The following MYRIP variants were observed in gnomAD, a reference collection of about 807,000 sequenced individuals.
MYRIP encodes myosin VIIA and Rab interacting protein.
A neutral mutation model predicts 98.0 loss-of-function variants in MYRIP; 49 were observed. That is an observed-to-expected ratio of 0.50 (90% CI 0.40 to 0.63). The LOEUF is 0.63. Ranked by LOEUF, MYRIP falls within the 30% of genes least tolerant of loss-of-function variation. The probability of loss-of-function intolerance (pLI) is 0.00; values close to 1 mark genes in which losing one functional copy is unlikely to be tolerated. For missense variants in MYRIP, 1,004 were observed against 1,058.2 expected (o/e 0.95, Z 0.71); for synonymous variants, 404 against 409.5 (o/e 0.99, Z 0.16).
chr3:39,937,990 A>C (rs1944696226), intron 2 of MYRIP, among the ~76,000 whole-genome samples: 1 of 152,338 alleles, frequency 6.6e-6, no homozygotes, highest in South Asian at 2.1e-4. Context: ...AGTCCAGAGA[A>C]GCAGCTTTCA....
At chr3:40,002,542 A>C (rs1157292688) in intron 2 of MYRIP, among the ~76,000 whole-genome samples, 1 of 152,112 alleles carries the variant, frequency 6.6e-6, no homozygotes, top group Non-Finnish European at 1.5e-5. Context: ...TCTAAAAAAA[A>C]AAAAAGAAAA....
intron 2 of MYRIP, among the ~76,000 whole-genome samples, chr3:39,922,919 A>G (rs567129369): frequency 5.3e-5 from 8 of 152,304 alleles, no homozygotes; most frequent in South Asian, 2.1e-4. Flanking sequence ...TAAAGCAGCC[A>G]TGATTAAAAA....
At chr3:40,031,349 A>T (rs982269789) in intron 2 of MYRIP, among the ~76,000 whole-genome samples, 5 of 152,164 alleles carry the variant, frequency 3.3e-5, no homozygotes, top group African/African-American at 7.2e-5. Context: ...TTTCACAATC[A>T]TTCAGACCAC....
intron 3 of MYRIP, among the ~76,000 whole-genome samples, chr3:40,118,472 A>C (rs571932524): frequency 6.6e-6 from 1 of 152,318 alleles, no homozygotes; most frequent in South Asian, 2.1e-4. Flanking sequence ...GCACAGGTTA[A>C]ATTAATTATG....
At chr3:40,211,665 G>A (rs994834536) in intron 11 of MYRIP, among the ~76,000 whole-genome samples, 1 of 152,178 alleles carries the variant, frequency 6.6e-6, no homozygotes, top group African/African-American at 2.4e-5. Context: ...GGTAACTGGA[G>A]AATATCACAT....
At chr3:39,810,977 G>C (rs1940667098) in intron 1 of MYRIP, among the ~76,000 whole-genome samples, 1 of 152,124 alleles carries the variant, frequency 6.6e-6, no homozygotes, top group Non-Finnish European at 1.5e-5. Flanking sequence ...TGATTTTCTT[G>C]ACACTTACTC....
chr3:40,032,970 A>G (rs1015658637), intron 2 of MYRIP, among the ~76,000 whole-genome samples: 1 of 152,024 alleles, frequency 6.6e-6, no homozygotes, highest in African/African-American at 2.4e-5. Flanking sequence ...GACAAAAACC[A>G]CAGGATTATC....
At chr3:40,020,022 C>G (rs1946954691) in intron 2 of MYRIP, among the ~76,000 whole-genome samples, 1 of 152,160 alleles carries the variant, frequency 6.6e-6, no homozygotes, top group Non-Finnish European at 1.5e-5. Context: ...TCATGGGATA[C>G]AAGCACTGGA....
intron 2 of MYRIP, among the ~76,000 whole-genome samples, chr3:39,925,366 A>G (rs971794928): frequency 3.3e-5 from 5 of 152,156 alleles, no homozygotes; most frequent in African/African-American, 4.8e-5. Context: ...CAGAGGGTAC[A>G]TGTGCAGATT....
intron 3 of MYRIP, among the ~76,000 whole-genome samples, chr3:40,129,936 TTG>T (rs1415019227): frequency 6.6e-6 from 1 of 152,224 alleles, no homozygotes; most frequent in East Asian, 1.9e-4. Flanking sequence ...ACAAATTTAC[TTG>T]TGTCATAGAA....
At position 40,240,335 on chromosome 3, in the gene MYRIP, G is replaced by A. The variant is rs1952968417; in HGVS notation, c.2101-4111G>A. On this transcript the variant is annotated intron_variant, in intron 12 of 16. Transcript: ENST00000302541. Reference sequence around the variant, plus strand: ...GCCTTGGGTCTACAGCTCCCAGCGTGAGCGATGCAGAAGACGGGTGATTTC... The same window carrying A: ...GCCTTGGGTCTACAGCTCCCAGCGTAAGCGATGCAGAAGACGGGTGATTTC... Among the ~76,000 whole-genome samples, 3 of 152,220 alleles carry A rather than the reference G, an allele frequency of 2.0e-5. 1 individual carries two copies. The South Asian group carries it at 6.2e-4, about 32-fold the overall frequency.
rs114481617 is a variant in MYRIP, at chr3:40,073,523, C to T, written c.332+29252C>T. Among the ~76,000 whole-genome samples the T allele has an allele frequency of 6.1e-3, 927 of 152,302 alleles. 10 individuals are homozygous for T. Among genetic ancestry groups the T allele is most frequent in the African/African-American group, 0.021 (857 of 41,558 alleles). On this transcript the variant is annotated intron_variant, in intron 3 of 16. Transcript: ENST00000302541. ...TTACTCTCTGTTGATGCGCATGCTG[C>T]GGGGCTCAGTGATCAATACGAATCC...
intron 11 of MYRIP, among the ~76,000 whole-genome samples, chr3:40,212,221 TATATAC>T (rs1559456803): frequency 1.2e-5 from 1 of 80,328 alleles, no homozygotes; most frequent in African/African-American, 3.5e-5. Context: ...TGTATATATA[TATATAC>T]ACACACACAC....
chr3:40,156,288 A>G (rs887939843), intron 4 of MYRIP, among the ~76,000 whole-genome samples: 3 of 152,168 alleles, frequency 2.0e-5, no homozygotes, highest in African/African-American at 7.2e-5. Context: ...GGTTTGTGAA[A>G]GATCAGATAG....
chr3:40,221,338 G>A (rs1336487405), intron 11 of MYRIP, among the ~76,000 whole-genome samples: 2 of 152,096 alleles, frequency 1.3e-5, no homozygotes, highest in Non-Finnish European at 2.9e-5. Flanking sequence ...CTAATAAATT[G>A]GATGGTTAAA....
intron 3 of MYRIP, among the ~76,000 whole-genome samples, chr3:40,046,522 A>G (rs1332229267): frequency 6.7e-6 from 1 of 149,044 alleles, no homozygotes; most frequent in Admixed American, 6.8e-5. Context: ...GGACTCAGAG[A>G]CTGTTAGATG....
chr3:39,933,211 G>C (rs947118213), intron 2 of MYRIP, among the ~76,000 whole-genome samples: 2 of 152,140 alleles, frequency 1.3e-5, no homozygotes, highest in Non-Finnish European at 2.9e-5. Context: ...ACTACCACCT[G>C]TTTTTGTAAA....
At chr3:39,837,837 C>G (rs1941675006) in intron 1 of MYRIP, among the ~76,000 whole-genome samples, 2 of 152,176 alleles carry the variant, frequency 1.3e-5, no homozygotes, top group Admixed American at 1.3e-4. Flanking sequence ...ATTGATTCTT[C>G]TTATCCATGA....
At chr3:40,051,194 T>C (rs1036192545) in intron 3 of MYRIP, among the ~76,000 whole-genome samples, 1 of 152,136 alleles carries the variant, frequency 6.6e-6, no homozygotes, top group Non-Finnish European at 1.5e-5. Flanking sequence ...AACTCTTTCA[T>C]GAAAGGAAGA....
Sources: allele counts gnomAD v4.1 joint callset (sites outside exome capture counted in the v4.1 genomes callset), GRCh38; gene constraint gnomAD v4.1.1; transcripts MANE v1.5; gene names NCBI Gene and HGNC (gene_info 2026-07-23, HGNC 2026-07-21).